Variants in WDR70 observed in about 807,000 individuals in gnomAD.
WDR70 encodes the protein WD repeat domain 70, also known as WD repeat-containing protein 70.
A neutral mutation model predicts 88.6 loss-of-function variants in WDR70; 53 were observed. That is an observed-to-expected ratio of 0.60 (90% CI 0.48 to 0.75). The LOEUF (loss-of-function observed/expected upper bound fraction) is 0.75, where lower values mean the gene tolerates loss of function less well. Among genes scored for constraint, WDR70 ranks in the 30% least tolerant of loss-of-function variants. The pLI, the probability that WDR70 is intolerant of heterozygous loss-of-function variation, is 0.00. For synonymous variants in WDR70, 280 were observed against 270.0 expected, an observed-to-expected ratio of 1.04 and a Z score of -0.36; for missense variants, 610 against 823.2, an observed-to-expected ratio of 0.74 and a Z score of 3.17.
chr5:37,453,475 T>G (rs1738738698), intron 7 of WDR70, among the ~76,000 whole-genome samples: 1 of 152,274 alleles, frequency 6.6e-6, no homozygotes, highest in African/African-American at 2.4e-5. Context: ...CTGATGCTAT[T>G]GTTTGTGGTT....
intron 17 of WDR70, among the ~76,000 whole-genome samples, chr5:37,740,340 A>G (rs965213223): frequency 1.1e-4 from 16 of 152,242 alleles, no homozygotes; most frequent in African/African-American, 3.4e-4. Context: ...TGCTGGAAAT[A>G]AATTCAAAGA....
chr5:37,452,794 TTGTC>T (rs1225235706), intron 7 of WDR70, among the ~76,000 whole-genome samples: 1 of 152,204 alleles, frequency 6.6e-6, no homozygotes, highest in Non-Finnish European at 1.5e-5. Context: ...ACATCAGAAT[TTGTC>T]TGAGATCCAA....
chr5:37,692,616 A>T (rs878855963), intron 10 of WDR70, among the ~76,000 whole-genome samples: 2 of 152,180 alleles, frequency 1.3e-5, no homozygotes, highest in African/African-American at 4.8e-5. Context: ...GAAAAACACC[A>T]CGTGATTATC....
At position 37,468,581 on chromosome 5, in the gene WDR70, AT is replaced by A. The variant is rs573384331; in HGVS notation, c.687-11244del. On this transcript the variant is annotated intron_variant, in intron 7 of 17. Coordinates refer to ENST00000265107, the MANE Select transcript of WDR70 (RefSeq NM_018034.4). The stretch of plus-strand genomic sequence containing the variant: ...TGATCAAATCAGGATAATTTGCATA[AT>A]TTTTTTTTGTAGGGAAAAATTCAAA... Among the ~76,000 whole-genome samples the A allele has an allele frequency of 3.9e-3, 587 of 151,452 alleles. 3 individuals carry two copies. The highest frequency in any genetic ancestry group is 0.013 in the African/African-American group (517 of 41,354).
intron 9 of WDR70, among the ~76,000 whole-genome samples, chr5:37,548,291 T>A (rs926616911): frequency 6.6e-6 from 1 of 152,182 alleles, no homozygotes; most frequent in Non-Finnish European, 1.5e-5. Flanking sequence ...TTTTTCTCCA[T>A]ATCCTTGCTA....
intron 8 of WDR70, among the ~76,000 whole-genome samples, chr5:37,490,731 G>T (rs970859992): frequency 2.0e-5 from 3 of 152,148 alleles, no homozygotes; most frequent in Non-Finnish European, 4.4e-5. Context: ...GTGACCTGAG[G>T]CAGGTGGGTC....
rs1293465555 is a variant in WDR70 at position 37,676,461 on chromosome 5, C to T, written c.1093-21194C>T. 2.2e-4 allele frequency among the ~76,000 whole-genome samples: 33 copies of T among 152,034 alleles called. 2 individuals carry two copies. Among genetic ancestry groups the T allele is most frequent in the Non-Finnish European group, 2.2e-4 (15 of 68,006 alleles). ...TAGCATGAAGGGTGTTGAATTTTGT[C>T]AAAGGCCTTTTCTGCATCTATTGAG... On this transcript the variant is annotated intron_variant, in intron 10 of 17. Transcript: ENST00000265107.
chr5:37,427,953 G>A (rs767084082), intron 5 of WDR70, among the ~76,000 whole-genome samples: 1 of 151,778 alleles, frequency 6.6e-6, no homozygotes, highest in Non-Finnish European at 1.5e-5. Context: ...AAATGTAAGT[G>A]CAAGAATATG....
intron 17 of WDR70, among the ~76,000 whole-genome samples, chr5:37,738,470 C>T (rs376750634): frequency 6.6e-6 from 1 of 152,158 alleles, no homozygotes; most frequent in African/African-American, 2.4e-5. Context: ...CATTTTGTTA[C>T]AGTGAAGACG....
At position 37,734,160 on chromosome 5, in the gene WDR70, A is replaced by G. The variant is rs548529908; in HGVS notation, c.1877+7115A>G. 7.9e-5 allele frequency among the ~76,000 whole-genome samples: 12 copies of G among 152,074 alleles called. No individual in the cohort carries two copies. In the South Asian group the frequency reaches 1.0e-3, roughly 13 times the overall value. Reference sequence around the variant, plus strand: ...ATTTTTATACCTACTATTTCTTTTTATCTGATTGCACTGACTGCTGCCAGA... The same window carrying G: ...ATTTTTATACCTACTATTTCTTTTTGTCTGATTGCACTGACTGCTGCCAGA... On this transcript the variant is annotated intron_variant, in intron 17 of 17. Transcript: ENST00000265107.
intron 5 of WDR70, among the ~76,000 whole-genome samples, chr5:37,417,591 T>A: frequency 6.7e-6 from 1 of 150,126 alleles, no homozygotes; most frequent in East Asian, 2.0e-4. Flanking sequence ...CAGCCTGGAG[T>A]GCAGTGGCAC....
chr5:37,561,359 A>G (rs935518306), intron 9 of WDR70, among the ~76,000 whole-genome samples: 2 of 152,220 alleles, frequency 1.3e-5, no homozygotes, highest in Non-Finnish European at 2.9e-5. Flanking sequence ...TCAGTCTATA[A>G]ATCCATATTT....
At chr5:37,468,825 G>T (rs1015734340) in intron 7 of WDR70, among the ~76,000 whole-genome samples, 1 of 152,084 alleles carries the variant, frequency 6.6e-6, no homozygotes, top group African/African-American at 2.4e-5. Context: ...ATAACTATCT[G>T]CATGACATTT....
chr5:37,380,897 T>G (rs1391409342), intron 2 of WDR70, among the ~76,000 whole-genome samples: 1 of 152,196 alleles, frequency 6.6e-6, no homozygotes, highest in Non-Finnish European at 1.5e-5. Context: ...TCCGCCCACC[T>G]GAGCCTCTCA....
chr5:37,564,651 C>A (rs895104637), intron 9 of WDR70, among the ~76,000 whole-genome samples: 3 of 151,828 alleles, frequency 2.0e-5, no homozygotes, highest in Non-Finnish European at 2.9e-5. Flanking sequence ...CAAGTTAGAT[C>A]TTTTTACAGG....
intron 11 of WDR70, 90 bp from the exon 12 acceptor site, chr5:37,700,968 A>C: frequency 1.3e-6 from 1 of 750,124 alleles, no homozygotes; most frequent in Middle Eastern, 2.4e-4. Flanking sequence ...TTACAGTTAT[A>C]CATTAAGTTT....
chr5:37,608,682 C>T lies in WDR70; in HGVS notation c.1092+3444C>T, dbSNP rs560017079. Among the ~76,000 whole-genome samples, 7 of 152,122 alleles carry T rather than the reference C, an allele frequency of 4.6e-5. No individual in the cohort carries two copies. The East Asian group carries it at 5.8e-4, about 13-fold the overall frequency. ...AGTTGATCCTTCTGCTTCAGCCTCT[C>T]GAGTAGCTGAGACCACGGGCATGCG... On this transcript the variant is annotated intron_variant, in intron 10 of 17. Transcript: ENST00000265107.
chr5:37,643,651 T>C (rs1034150358), intron 10 of WDR70, among the ~76,000 whole-genome samples: 1 of 152,066 alleles, frequency 6.6e-6, no homozygotes, highest in Admixed American at 6.6e-5. Context: ...ATTGTTGTCT[T>C]CTTCAATTTC....
In WDR70 at chr5:37,484,218, G is replaced by A. The variant is rs79122109; in HGVS notation, c.840+4231G>A. Among the ~76,000 whole-genome samples the A allele has an allele frequency of 7.3e-3, 1,116 of 152,326 alleles. 17 individuals are homozygous for A. The highest frequency in any genetic ancestry group is 0.025 in the African/African-American group (1,050 of 41,566). ...CCAAGGCAGGCGGCTGGGAGGTGGC[G>A]GTTGTAGCTAGCCGAGATCACGCCA... is the stretch of plus-strand genomic sequence containing the variant. On this transcript the variant is annotated intron_variant, in intron 8 of 17. Transcript: ENST00000265107.
Sources: gnomAD v4.1 joint callset for allele counts (sites outside exome capture counted in the v4.1 genomes callset) on GRCh38, gnomAD v4.1.1 for gene constraint, MANE v1.5 for transcripts, NCBI Gene and HGNC (gene_info 2026-07-23, HGNC 2026-07-21) for gene names.